The following GPHN variants were observed in gnomAD, a reference collection of about 807,000 sequenced individuals.
The protein encoded by GPHN is gephyrin.
A neutral mutation model predicts 95.5 loss-of-function variants in GPHN; 17 were observed. That is an observed-to-expected ratio of 0.18 (90% confidence interval 0.12 to 0.27). The LOEUF (loss-of-function observed/expected upper bound fraction) is 0.27. Ranked by LOEUF, GPHN falls within the 10% of genes least tolerant of loss-of-function variation. The probability of loss-of-function intolerance (pLI) is 1.00; values close to 1 mark genes in which losing one functional copy is unlikely to be tolerated. For synonymous variants in GPHN, 320 were observed against 322.5 expected (o/e 0.99, Z 0.08); for missense variants, 660 against 978.1 (o/e 0.67, Z 4.34).
At chr14:66,939,234 G>C (rs1024896558) in intron 8 of GPHN, among the ~76,000 whole-genome samples, 1 of 152,046 alleles carries the variant, frequency 6.6e-6, no homozygotes, top group Non-Finnish European at 1.5e-5. Flanking sequence ...TATGAACAGA[G>C]AAAAAGGCAG....
intron 3 of GPHN, among the ~76,000 whole-genome samples, chr14:66,780,074 T>C (rs1041454270): frequency 1.2e-4 from 19 of 152,136 alleles, no homozygotes; most frequent in African/African-American, 4.3e-4. Context: ...TTATTGGATG[T>C]TTAGGGGAAA....
At chr14:66,628,262 A>T (rs1050358643) in intron 1 of GPHN, among the ~76,000 whole-genome samples, 11 of 152,258 alleles carry the variant, frequency 7.2e-5, no homozygotes, top group African/African-American at 2.6e-4. Flanking sequence ...TGAGAAATGC[A>T]TTGTTAGGCA....
intron 3 of GPHN, among the ~76,000 whole-genome samples, chr14:66,809,663 T>A (rs369835253): frequency 6.6e-6 from 1 of 152,172 alleles, no homozygotes; most frequent in Non-Finnish European, 1.5e-5. Context: ...GCTCCTCCAA[T>A]TAAATAGTGT....
the GPHN span, among the ~76,000 whole-genome samples, chr14:67,187,752 C>G: frequency 2.0e-5 from 3 of 152,310 alleles, no homozygotes; most frequent in Non-Finnish European, 2.9e-5. Flanking sequence ...TTTTATGCCT[C>G]TGTGCCTTTG....
At chr14:67,070,715 A>AAAAAAAAAAAAAAATATATATATATATAT in intron 11 of GPHN, among the ~76,000 whole-genome samples, 1 of 80,700 alleles carries the variant, frequency 1.2e-5, no homozygotes, top group Admixed American at 1.7e-4. Flanking sequence ...AAAAAAAAAA[A>AAAAAAAAAAAAAAATATATATATATATAT]ATATATATAT....
the GPHN span, among the ~76,000 whole-genome samples, chr14:67,635,427 T>A: frequency 2.0e-5 from 3 of 152,232 alleles, no homozygotes; most frequent in Non-Finnish European, 4.4e-5. Flanking sequence ...TCAAATGGCC[T>A]GAATTAACCC....
intron 8 of GPHN, among the ~76,000 whole-genome samples, chr14:66,947,920 A>T (rs1367865508): frequency 6.6e-6 from 1 of 152,224 alleles, no homozygotes; most frequent in Non-Finnish European, 1.5e-5. Context: ...ACACCAATGG[A>T]TCTCCAATCT....
the GPHN span, chr14:67,724,619 G>C: frequency 7.9e-6 from 12 of 1,509,770 alleles, no homozygotes; most frequent in Admixed American, 2.0e-4. Flanking sequence ...AGTCTCCAAA[G>C]GGCCATGCCT....
At chr14:67,160,103 G>T (rs2081883713) in intron 19 of GPHN, among the ~76,000 whole-genome samples, 1 of 151,984 alleles carries the variant, frequency 6.6e-6, no homozygotes. Flanking sequence ...TGTTTGATAA[G>T]GATTCCATTA....
At chr14:67,171,340 C>T (rs2082585615) in intron 21 of GPHN, among the ~76,000 whole-genome samples, 1 of 147,178 alleles carries the variant, frequency 6.8e-6, no homozygotes, top group African/African-American at 2.5e-5. Flanking sequence ...ATTTTCAGTA[C>T]ACAATAAGAA....
chr14:66,595,354 C>T (rs182339754), intron 1 of GPHN, among the ~76,000 whole-genome samples: 206 of 152,326 alleles, frequency 1.4e-3, no homozygotes, highest in African/African-American at 4.8e-3. Flanking sequence ...ATTTCTGTCA[C>T]GGCATCCTTG....
the GPHN span, among the ~76,000 whole-genome samples, chr14:67,685,847 T>C: frequency 0.17 from 25,499 of 151,520 alleles, 2,228 homozygotes; most frequent in African/African-American, 0.23. Flanking sequence ...AACTCCTGAC[T>C]TCAAGTGATC....
At chr14:66,969,962 C>T (rs762720977) in intron 9 of GPHN, 5 of 151,888 alleles carry the variant, frequency 3.3e-5, no homozygotes, top group African/African-American at 7.2e-5. Flanking sequence ...ATTTTATTAT[C>T]GTTTTATTCC....
At chr14:67,537,883 C>T in the GPHN span, among the ~76,000 whole-genome samples, 12 of 152,082 alleles carry the variant, frequency 7.9e-5, no homozygotes, top group East Asian at 1.7e-3. Flanking sequence ...ATTTCAGTCC[C>T]GGGTGTTGGA....
the GPHN span, among the ~76,000 whole-genome samples, chr14:67,568,058 G>A: frequency 6.6e-6 from 1 of 152,150 alleles, no homozygotes; most frequent in Non-Finnish European, 1.5e-5. Context: ...GTCCTGTTGG[G>A]CTAAATAGGC....
intron 17 of GPHN, among the ~76,000 whole-genome samples, chr14:67,134,390 A>T (rs2079911066): frequency 6.6e-6 from 1 of 152,210 alleles, no homozygotes; most frequent in Non-Finnish European, 1.5e-5. Context: ...ATATTTGAAT[A>T]TACAGTTGTT....
At chr14:66,516,236 T>G (rs920443724) in intron 1 of GPHN, among the ~76,000 whole-genome samples, 2 of 151,784 alleles carry the variant, frequency 1.3e-5, no homozygotes, top group Non-Finnish European at 2.9e-5. Flanking sequence ...CAGGCTGGTT[T>G]TGGACTCCTG....
At chr14:66,732,547 TG>T (rs767587080) in intron 2 of GPHN, among the ~76,000 whole-genome samples, 8 of 152,194 alleles carry the variant, frequency 5.3e-5, no homozygotes, top group Non-Finnish European at 8.8e-5. Context: ...GATGCAGTGT[TG>T]CTCTTTCGCC....
chr14:67,117,199 GA>G (rs1567355386), intron 16 of GPHN, among the ~76,000 whole-genome samples: 1 of 152,188 alleles, frequency 6.6e-6, no homozygotes, highest in Non-Finnish European at 1.5e-5. Flanking sequence ...CAATACATGA[GA>G]AAGAAAGGAA....
Sources: gnomAD v4.1 joint callset for allele counts (sites outside exome capture counted in the v4.1 genomes callset) on GRCh38, gnomAD v4.1.1 for gene constraint, MANE v1.5 for transcripts, NCBI Gene and HGNC (gene_info 2026-07-23, HGNC 2026-07-21) for gene names.